SLC4A10: variants seen among roughly 807,000 people sequenced by gnomAD.
SLC4A10 encodes sodium-driven chloride bicarbonate exchanger.
In SLC4A10, 42 loss-of-function variants were observed where a neutral mutation model predicts 137.7. The observed-to-expected ratio is 0.30, with a 90% CI of 0.24 to 0.39. The LOEUF (loss-of-function observed/expected upper bound fraction) is 0.39. Among genes scored for constraint, SLC4A10 ranks in the 10% least tolerant of loss-of-function variants. The pLI, the probability that SLC4A10 is intolerant of heterozygous loss-of-function variation, is 1.00. For synonymous variants in SLC4A10, 474 were observed against 464.1 expected (o/e 1.02, Z -0.27); for missense variants, 925 against 1,355.0 (o/e 0.68, Z 4.98).
rs1270301042 is a variant in SLC4A10, at chr2:161,872,367, A to G, written c.841A>G (p.Thr281Ala). 1.2e-6 allele frequency: 2 copies of G among 1,613,536 alleles called. No individual in the cohort carries two copies. Among genetic ancestry groups the G allele is most frequent in the East Asian group, 2.2e-5 (1 of 44,798 alleles). ...NKNDVSRENS[T>A]VDFSKGLGGQ... Reference sequence around the variant, plus strand: ...AAATGATGTTAGCAGAGAAAACAGCACTGTTGACTTTAGCAAGGTGAGCTT... The same window carrying G: ...AAATGATGTTAGCAGAGAAAACAGCGCTGTTGACTTTAGCAAGGTGAGCTT... Residue 281 changes from threonine (T) to alanine (A), a missense_variant, in exon 7 of 27, where the codon ACT (threonine) becomes GCT (alanine). This residue lies in a region of SLC4A10 where 277 missense variants were observed against 306.1 expected (regional missense o/e 0.90). Transcript: ENST00000446997.
chr2:161,819,934 T>C (rs1361223748), intron 3 of SLC4A10, among the ~76,000 whole-genome samples: 1 of 152,226 alleles, frequency 6.6e-6, no homozygotes, highest in Non-Finnish European at 1.5e-5. Flanking sequence ...TGAAAGATGA[T>C]GAGGGAAATT....
Position 161,771,121 on chromosome 2 carries a change from T to C in SLC4A10, c.130+67T>C. 2.5e-6 allele frequency: 3 copies of C among 1,181,296 alleles called. No homozygotes were observed. In the South Asian group the frequency reaches 4.1e-5, roughly 16 times the overall value. The allele number at this position is 1,181,296 out of a possible 1,614,324, so 73.2% of individuals were successfully genotyped here. A position where few individuals can be genotyped will look rare whatever the true frequency, so the allele number is the denominator to read the frequency against. ...AAAAGTATTTCACAGATAAATGTAG[T>C]TTGTCACATTGTGAAGAATTGCAAA... On this transcript the variant is annotated intron_variant, in intron 2 of 26. Transcript: ENST00000446997.
rs1254655168 is a variant in SLC4A10 at position 161,905,745 on chromosome 2, T to C, written c.1855T>C (p.Tyr619His). Reference protein sequence around the residue: ...VATDASSLVCYITRFTEEAFA... With the variant: ...VATDASSLVCHITRFTEEAFA... Reference sequence around the variant, plus strand: ...CACAGATGCTAGTTCCCTTGTCTGCTACATCACTCGGTTTACTGAAGAAGC... The same window carrying C: ...CACAGATGCTAGTTCCCTTGTCTGCCACATCACTCGGTTTACTGAAGAAGC... The change falls in exon 15 of 27, where the codon TAC (tyrosine) becomes CAC (histidine). Residue 619 changes from tyrosine to histidine, a missense_variant. By Grantham distance (83) the Tyr-to-His change is moderately conservative. This residue lies in a region of SLC4A10 where 61 missense variants were observed against 168.0 expected (regional missense o/e 0.36). Coordinates refer to ENST00000446997, the MANE Select transcript of SLC4A10 (RefSeq NM_001178015.2). 6.2e-7 allele frequency: 1 copy of C among 1,614,032 alleles called. No homozygotes were observed. Among genetic ancestry groups the C allele is most frequent in the Admixed American group, 1.7e-5 (1 of 60,026 alleles).
At chr2:161,964,378 G>A (rs954888496) in intron 22 of SLC4A10, 70 bp downstream of exon 22, 25 of 1,471,786 alleles carry the variant, frequency 1.7e-5, no homozygotes, top group Non-Finnish European at 2.2e-5. Flanking sequence ...ATAAACACAT[G>A]AATTGAAACT....
chr2:161,974,074 A>T (rs1273682544), intron 23 of SLC4A10, among the ~76,000 whole-genome samples, 175 bp from the exon 24 acceptor site: 3 of 152,182 alleles, frequency 2.0e-5, no homozygotes, highest in African/African-American at 7.2e-5. Context: ...TTAATTACTT[A>T]TGTTCTTGGT....
At chr2:161,767,200 GTGTATA>G (rs1559203513) in intron 1 of SLC4A10, among the ~76,000 whole-genome samples, 1 of 95,718 alleles carries the variant, frequency 1.0e-5, no homozygotes, top group Admixed American at 1.2e-4. Context: ...GTGTGTGTGT[GTGTATA>G]TATATATACA....
At chr2:161,758,273 T>C (rs1237032277) in intron 1 of SLC4A10, among the ~76,000 whole-genome samples, 1 of 151,958 alleles carries the variant, frequency 6.6e-6, no homozygotes, top group Non-Finnish European at 1.5e-5. Flanking sequence ...GCTGTTACTT[T>C]GCTTTTTAAA....
At chr2:161,720,815 G>A (rs1216331796) in intron 1 of SLC4A10, among the ~76,000 whole-genome samples, 3 of 150,734 alleles carry the variant, frequency 2.0e-5, no homozygotes, top group African/African-American at 4.9e-5. Context: ...ACGCCAATGA[G>A]TCTTGACTCT....
At chr2:161,938,460 G>A (rs932727327) in intron 15 of SLC4A10, among the ~76,000 whole-genome samples, 16 of 151,418 alleles carry the variant, frequency 1.1e-4, no homozygotes, top group African/African-American at 1.5e-4. Context: ...ATCCGAGTTC[G>A]TGTATAAGAG....
At chr2:161,644,354 G>A (rs1005763433) in intron 1 of SLC4A10, among the ~76,000 whole-genome samples, 6 of 151,972 alleles carry the variant, frequency 3.9e-5, no homozygotes, top group Admixed American at 3.9e-4. Context: ...AAATTAGCCG[G>A]GCGTGGTGGT....
At chr2:161,662,079 T>A (rs954070036) in intron 1 of SLC4A10, among the ~76,000 whole-genome samples, 1 of 152,156 alleles carries the variant, frequency 6.6e-6, no homozygotes, top group African/African-American at 2.4e-5. Flanking sequence ...CATGCAGTAA[T>A]CTAATATGAA....
At chr2:161,828,017 G>C (rs888069406) in intron 3 of SLC4A10, among the ~76,000 whole-genome samples, 1 of 152,094 alleles carries the variant, frequency 6.6e-6, no homozygotes. Context: ...CATTGCTAGC[G>C]TCTTACTCCT....
intron 1 of SLC4A10, among the ~76,000 whole-genome samples, chr2:161,627,086 C>A (rs1391919375): frequency 6.6e-6 from 1 of 152,112 alleles, no homozygotes; most frequent in East Asian, 1.9e-4. Flanking sequence ...GTTTTGGAAT[C>A]AGTTAAATAA....
rs200683609 is a variant in SLC4A10, at chr2:161,879,085, A to G, written c.949-46A>G. 1.4e-5 allele frequency: 22 copies of G among 1,592,512 alleles called. No individual in the cohort carries two copies. The African/African-American group carries it at 2.7e-4, about 19-fold the overall frequency. ...ACTGTGCAAGAATATGATTTACCAG[A>G]TTTTTCCAATTTTGATTTATCATAT... On this transcript the variant is annotated intron_variant, in intron 8 of 26. Transcript: ENST00000446997.
At chr2:161,773,718 C>T (rs1362775908) in intron 2 of SLC4A10, among the ~76,000 whole-genome samples, 1 of 151,810 alleles carries the variant, frequency 6.6e-6, no homozygotes, top group Non-Finnish European at 1.5e-5. Flanking sequence ...TCAATAACAA[C>T]AGGTTGGTAT....
intron 1 of SLC4A10, among the ~76,000 whole-genome samples, chr2:161,652,789 C>CTT (rs10716126): frequency 0.017 from 2,378 of 143,204 alleles, 69 homozygotes; most frequent in African/African-American, 0.057. Context: ...ACCGTTTATT[C>CTT]TTTTTTTTTT....
chr2:161,655,824 T>G (rs2037441930), intron 1 of SLC4A10, among the ~76,000 whole-genome samples: 1 of 150,158 alleles, frequency 6.7e-6, no homozygotes, highest in Non-Finnish European at 1.5e-5. Flanking sequence ...CTTCTTTTTT[T>G]TTTTTTTGGA....
chr2:161,923,334 A>G (rs1026078718), intron 15 of SLC4A10, among the ~76,000 whole-genome samples: 1 of 152,212 alleles, frequency 6.6e-6, no homozygotes, highest in Non-Finnish European at 1.5e-5. Flanking sequence ...TTAAACATGT[A>G]GAGAAGTGCA....
chr2:161,924,472 C>T (rs1431579479), intron 15 of SLC4A10, among the ~76,000 whole-genome samples: 2 of 151,956 alleles, frequency 1.3e-5, no homozygotes, highest in Non-Finnish European at 2.9e-5. Context: ...CTTGGGTATA[C>T]ATGATATCTG....
Sources: allele counts gnomAD v4.1 joint callset (sites outside exome capture counted in the v4.1 genomes callset), GRCh38; gene constraint gnomAD v4.1.1; regional missense constraint gnomAD v4.1.1; transcripts MANE v1.5; gene names NCBI Gene and HGNC (gene_info 2026-07-23, HGNC 2026-07-21).